Variants in EDDM13 observed in about 807,000 individuals in gnomAD.
The protein encoded by EDDM13 is epididymal protein 13.
A neutral mutation model predicts 17.8 loss-of-function variants in EDDM13; 24 were observed. The ratio of observed to expected loss-of-function variants is 1.35; its 90% CI spans 0.98 to 1.90. The LOEUF is 1.90. Among genes scored for constraint, EDDM13 ranks in the 40% most tolerant of loss-of-function variants. The pLI is 0.00. For synonymous variants in EDDM13, 31 were observed against 37.5 expected (o/e 0.83, Z 0.63); for missense variants, 97 against 100.8 (o/e 0.96, Z 0.16).
intron 12 of EDDM13, chr19:56,299,913 A>G (rs1409067510): frequency 6.6e-6 from 1 of 152,158 alleles, no homozygotes; most frequent in Non-Finnish European, 1.5e-5. Context: ...TGCTATCACC[A>G]CTTGCATTTC....
chr19:56,309,566 A>G (rs546678977), intron 14 of EDDM13, among the ~76,000 whole-genome samples: 1 of 152,310 alleles, frequency 6.6e-6, no homozygotes, highest in African/African-American at 2.4e-5. Flanking sequence ...GCTCACATAG[A>G]CTGTGAGCCC....
At chr19:56,304,286 A>C (rs916156895) in intron 13 of EDDM13, among the ~76,000 whole-genome samples, 3 of 152,134 alleles carry the variant, frequency 2.0e-5, no homozygotes, top group African/African-American at 7.2e-5. Context: ...AAATGGAGAG[A>C]CCAGGGAGAT....
At chr19:56,285,316 C>G (rs545500268) in intron 6 of EDDM13, among the ~76,000 whole-genome samples, 2 of 152,348 alleles carry the variant, frequency 1.3e-5, no homozygotes, top group South Asian at 4.1e-4. Context: ...AAATCATTCT[C>G]TTCACCACAT....
intron 13 of EDDM13, chr19:56,303,002 G>C (rs2040447013): frequency 1.5e-5 from 6 of 396,946 alleles, no homozygotes; most frequent in Middle Eastern, 6.2e-4. Context: ...GCAGGAGGCA[G>C]TGGCGCTTAT....
At chr19:56,298,156 G>GA (rs1237415637) in intron 12 of EDDM13, 1 of 151,442 alleles carries the variant, frequency 6.6e-6, no homozygotes, top group Non-Finnish European at 1.5e-5. Flanking sequence ...TTACTGACAA[G>GA]AAAAAATAGA....
chr19:56,301,321 G>A (rs1016305015), intron 12 of EDDM13, among the ~76,000 whole-genome samples: 1 of 152,106 alleles, frequency 6.6e-6, no homozygotes, highest in Admixed American at 6.5e-5. Flanking sequence ...TCCTGGAGCT[G>A]AGGGTGCCTC....
intron 12 of EDDM13, among the ~76,000 whole-genome samples, chr19:56,301,587 TA>T (rs1485177384): frequency 6.6e-6 from 1 of 152,194 alleles, no homozygotes; most frequent in Non-Finnish European, 1.5e-5. Flanking sequence ...ATCCTGTGAC[TA>T]AGAATGCCTT....
At chr19:56,302,879 G>C in intron 13 of EDDM13, 1 of 398,676 alleles carries the variant, frequency 2.5e-6, no homozygotes, top group Non-Finnish European at 4.4e-6. Flanking sequence ...CTGGTTGCTG[G>C]GGACTCTGAT....
At chr19:56,285,152 T>C (rs1201566561) in intron 6 of EDDM13, 128 bp downstream of exon 6, 3 of 333,292 alleles carry the variant, frequency 9.0e-6, no homozygotes, top group Non-Finnish European at 1.3e-5. Flanking sequence ...CAAGCACATG[T>C]TTTGTTTGAA....
At chr19:56,307,690 C>T (rs572082876) in intron 14 of EDDM13, among the ~76,000 whole-genome samples, 171 of 152,278 alleles carry the variant, frequency 1.1e-3, no homozygotes, top group Middle Eastern at 6.8e-3. Flanking sequence ...AGTGTACATG[C>T]CCTTCAGGTA....
At chr19:56,273,984 T>A (rs1177389229) in intron 1 of EDDM13, among the ~76,000 whole-genome samples, 1 of 152,054 alleles carries the variant, frequency 6.6e-6, no homozygotes, top group Non-Finnish European at 1.5e-5. Context: ...GTTTTGGTCA[T>A]CAGGGTGAAG....
chr19:56,300,682 G>A (rs977013420), intron 12 of EDDM13, among the ~76,000 whole-genome samples: 8 of 152,132 alleles, frequency 5.3e-5, no homozygotes, highest in East Asian at 1.9e-4. Context: ...AGGAGTAATC[G>A]CTTCCTGAAT....
At position 56,301,081 on chromosome 19, in the gene EDDM13, G is replaced by A. The variant is rs535225193; in HGVS notation, c.296-887G>A. Among the ~76,000 whole-genome samples the A allele has an allele frequency of 3.6e-3, 542 of 152,160 alleles. 1 individual carries two copies. The highest frequency in any genetic ancestry group is 0.012 in the African/African-American group (482 of 41,488). On this transcript the variant is annotated intron_variant, in intron 12 of 14. Coordinates refer to ENST00000649256, the MANE Select transcript of EDDM13 (RefSeq NM_001354658.2). ...GGTTTTGTTACCAGAAAGGGGTCCCGATCAAGACCCCCAGAGAGGGTTCTT... is the reference window on the plus strand; with the variant it reads ...GGTTTTGTTACCAGAAAGGGGTCCCAATCAAGACCCCCAGAGAGGGTTCTT...
intron 9 of EDDM13, among the ~76,000 whole-genome samples, chr19:56,293,225 A>C (rs532977515): frequency 6.6e-6 from 1 of 152,320 alleles, no homozygotes; most frequent in South Asian, 2.1e-4. Flanking sequence ...TGCTTGACTC[A>C]TGACAGTCCC....
At chr19:56,283,112 A>G (rs2038835213) in intron 4 of EDDM13, 1 of 152,220 alleles carries the variant, frequency 6.6e-6, no homozygotes, top group Non-Finnish European at 1.5e-5. Context: ...CTCTGTGCCT[A>G]CTTTGCAAGG....
At chr19:56,279,135 T>C (rs1232321881) in intron 2 of EDDM13, among the ~76,000 whole-genome samples, 2 of 152,226 alleles carry the variant, frequency 1.3e-5, no homozygotes. Flanking sequence ...TACTGCTATA[T>C]GGGTGCCTTA....
intron 13 of EDDM13, among the ~76,000 whole-genome samples, chr19:56,302,583 CTTTTCT>C (rs2040383942): frequency 3.4e-5 from 2 of 59,240 alleles, no homozygotes; most frequent in Non-Finnish European, 5.6e-5. Context: ...CTTCCTCCCC[CTTTTCT>C]TCCTCTCCCT....
intron 12 of EDDM13, among the ~76,000 whole-genome samples, chr19:56,300,245 C>T (rs1426143031): frequency 6.6e-6 from 1 of 152,080 alleles, no homozygotes; most frequent in Non-Finnish European, 1.5e-5. Flanking sequence ...AAATTTCACC[C>T]TTTTATATAG....
At chr19:56,280,882 T>A (rs931607139) in intron 2 of EDDM13, among the ~76,000 whole-genome samples, 1 of 152,158 alleles carries the variant, frequency 6.6e-6, no homozygotes, top group Non-Finnish European at 1.5e-5. Context: ...ACATGCTGTT[T>A]GGGGTACACA....
Sources: gnomAD v4.1 joint callset for allele counts (sites outside exome capture counted in the v4.1 genomes callset) on GRCh38, gnomAD v4.1.1 for gene constraint, MANE v1.5 for transcripts, NCBI Gene and HGNC (gene_info 2026-07-23, HGNC 2026-07-21) for gene names.